The following RIT2 variants were observed in gnomAD, a reference collection of about 807,000 sequenced individuals.
RIT2 encodes the protein Ras like without CAAX 2.
RIT2 carries 24 observed loss-of-function variants against 23.7 expected under a neutral mutation model. That is an observed-to-expected ratio of 1.01 (90% CI 0.73 to 1.43). The LOEUF (loss-of-function observed/expected upper bound fraction) is 1.43, where lower values mean the gene tolerates loss of function less well. Ranked by LOEUF, RIT2 falls within the 40% of genes most tolerant of loss-of-function variation. The probability of loss-of-function intolerance (pLI) is 0.00; values close to 1 mark genes in which losing one functional copy is unlikely to be tolerated. For synonymous variants in RIT2, 107 were observed against 91.1 expected (o/e 1.17, Z -0.99); for missense variants, 236 against 266.9 (o/e 0.88, Z 0.81).
chr18:42,971,607 G>A (rs1284563384), intron 3 of RIT2, among the ~76,000 whole-genome samples: 2 of 152,002 alleles, frequency 1.3e-5, no homozygotes, highest in African/African-American at 4.8e-5. Flanking sequence ...CAAACTTAGT[G>A]TCTTAAAGCA....
intron 4 of RIT2, among the ~76,000 whole-genome samples, chr18:42,783,128 C>T (rs1048920790): frequency 1.3e-5 from 2 of 152,084 alleles, no homozygotes; most frequent in African/African-American, 4.8e-5. Flanking sequence ...TTACCAAACA[C>T]GTTTGTCCAG....
intron 1 of RIT2, among the ~76,000 whole-genome samples, chr18:43,084,323 G>A (rs1285371414): frequency 1.3e-5 from 2 of 152,168 alleles, no homozygotes; most frequent in African/African-American, 4.8e-5. Flanking sequence ...GGAAGGTAGT[G>A]TGGCGATTCC....
At chr18:43,001,488 T>A (rs1249191009) in intron 2 of RIT2, among the ~76,000 whole-genome samples, 1 of 152,000 alleles carries the variant, frequency 6.6e-6, no homozygotes, top group Non-Finnish European at 1.5e-5. Context: ...AAACACGGGC[T>A]GTAGTCAGAG....
At chr18:43,088,257 C>A (rs976709865) in intron 1 of RIT2, among the ~76,000 whole-genome samples, 2 of 152,156 alleles carry the variant, frequency 1.3e-5, no homozygotes, top group South Asian at 2.1e-4. Flanking sequence ...TTGCTGGGAA[C>A]TTTTGCAGTT....
chr18:43,081,314 T>G (rs186761146), intron 1 of RIT2, among the ~76,000 whole-genome samples: 17 of 152,298 alleles, frequency 1.1e-4, no homozygotes, highest in African/African-American at 4.1e-4. Context: ...GGAGCTAACA[T>G]CATTTATTAT....
chr18:42,792,499 A>T (rs1914066249), intron 4 of RIT2, among the ~76,000 whole-genome samples: 1 of 152,194 alleles, frequency 6.6e-6, no homozygotes, highest in South Asian at 2.1e-4. Context: ...TATTTATAAT[A>T]ATAAGAGTAG....
chr18:42,931,670 C>T (rs1319924090), intron 3 of RIT2, among the ~76,000 whole-genome samples: 1 of 152,040 alleles, frequency 6.6e-6, no homozygotes, highest in Non-Finnish European at 1.5e-5. Context: ...TCCTGTTTAT[C>T]CTGGAGGTCA....
intron 3 of RIT2, among the ~76,000 whole-genome samples, chr18:42,962,263 G>A (rs1910110237): frequency 6.6e-6 from 1 of 152,120 alleles, no homozygotes; most frequent in African/African-American, 2.4e-5. Context: ...ACTATTAATG[G>A]AGCTTTTCTG....
chr18:42,939,319 C>T (rs1035812707), intron 3 of RIT2, among the ~76,000 whole-genome samples: 2 of 152,090 alleles, frequency 1.3e-5, no homozygotes, highest in Non-Finnish European at 2.9e-5. Flanking sequence ...GTACCTACCC[C>T]ATAAGGTTGT....
intron 4 of RIT2, among the ~76,000 whole-genome samples, chr18:42,903,289 T>C (rs1413205604): frequency 6.6e-6 from 1 of 152,054 alleles, no homozygotes; most frequent in Non-Finnish European, 1.5e-5. Context: ...GGTTGATAGA[T>C]AGCTACACTT....
At chr18:42,912,078 A>G (rs1379048935) in intron 4 of RIT2, among the ~76,000 whole-genome samples, 1 of 151,842 alleles carries the variant, frequency 6.6e-6, no homozygotes, top group Non-Finnish European at 1.5e-5. Context: ...ATATATGTAT[A>G]ATAATGCACT....
intron 4 of RIT2, among the ~76,000 whole-genome samples, chr18:42,818,571 G>C (rs552938438): frequency 6.6e-6 from 1 of 152,132 alleles, no homozygotes; most frequent in Non-Finnish European, 1.5e-5. Flanking sequence ...TAGGTGGATT[G>C]GGAAAAGTTG....
chr18:43,075,191 T>C (rs7244651), intron 1 of RIT2, among the ~76,000 whole-genome samples: 24,358 of 152,194 alleles, frequency 0.16, 2,065 homozygotes, highest in South Asian at 0.21. Flanking sequence ...GCTTACCAAA[T>C]AAGAATACTC....
At chr18:43,040,727 A>C (rs1912108088) in intron 1 of RIT2, among the ~76,000 whole-genome samples, 4 of 152,194 alleles carry the variant, frequency 2.6e-5, no homozygotes, top group Admixed American at 2.0e-4. Context: ...GGTTTGCTGA[A>C]CACATAGCAG....
At position 42,908,574 on chromosome 18, in the gene RIT2, C is replaced by T. The variant is rs528187881; in HGVS notation, c.426+14998G>A. Among the ~76,000 whole-genome samples the T allele has an allele frequency of 3.9e-5, 6 of 152,182 alleles. No individual in the cohort carries two copies. The South Asian group carries it at 1.2e-3, about 32-fold the overall frequency. On this transcript the variant is annotated intron_variant, in intron 4 of 4. Transcript: ENST00000326695. ...TGCTGCATTTTCTATAAAGAAAAAG[C>T]AGGTTTAATGACAGAATCTGTCATC...
rs367600749 is a variant in RIT2, at chr18:43,008,723, T to C, written c.160+25088A>G. On this transcript the variant is annotated intron_variant, in intron 2 of 4. Coordinates refer to ENST00000326695, the MANE Select transcript of RIT2 (RefSeq NM_002930.4). Reference sequence around the variant, plus strand: ...ATATTATCATGAGCTGTGAGAAACATACTTGGGATAGCTTAGTATAAATCT... The same window carrying C: ...ATATTATCATGAGCTGTGAGAAACACACTTGGGATAGCTTAGTATAAATCT... 3.3e-5 allele frequency among the ~76,000 whole-genome samples: 5 copies of C among 151,758 alleles called. No homozygotes were observed. In the East Asian group the frequency reaches 9.8e-4, roughly 30 times the overall value.
At chr18:43,095,098 A>G (rs1257466913) in intron 1 of RIT2, among the ~76,000 whole-genome samples, 1 of 152,054 alleles carries the variant, frequency 6.6e-6, no homozygotes, top group African/African-American at 2.4e-5. Context: ...GGCTGGGTCA[A>G]ATGGTATTTC....
rs1349895249 is a variant in RIT2, at chr18:42,923,825, T to C, written c.235-62A>G. 3.2e-6 allele frequency: 4 copies of C among 1,239,974 alleles called. No homozygotes were observed. The African/African-American group carries it at 6.0e-5, about 19-fold the overall frequency. The allele number at this position is 1,239,974 out of a possible 1,614,324, so 76.8% of individuals were successfully genotyped here. On this transcript the variant is annotated intron_variant, in intron 3 of 4. Transcript: ENST00000326695. ...TCAATATAGCTAATTAATATGAGGTTTAAATGTAATCATTATGAAATTTGA... is the reference window on the plus strand; with the variant it reads ...TCAATATAGCTAATTAATATGAGGTCTAAATGTAATCATTATGAAATTTGA...
At chr18:42,936,011 C>A (rs1431303051) in intron 3 of RIT2, among the ~76,000 whole-genome samples, 1 of 151,376 alleles carries the variant, frequency 6.6e-6, no homozygotes, top group African/African-American at 2.4e-5. Flanking sequence ...AGATACAGTG[C>A]GAAAGGGGGT....
Sources: gnomAD v4.1 joint callset for allele counts (sites outside exome capture counted in the v4.1 genomes callset) on GRCh38, gnomAD v4.1.1 for gene constraint, MANE v1.5 for transcripts, NCBI Gene and HGNC (gene_info 2026-07-23, HGNC 2026-07-21) for gene names.